SNX2: variants seen among roughly 807,000 people sequenced by gnomAD.
SNX2 encodes the protein sorting nexin-2.
A neutral mutation model predicts 69.9 loss-of-function variants in SNX2; 25 were observed. That is an observed-to-expected ratio of 0.36 (90% CI 0.26 to 0.50). The LOEUF (loss-of-function observed/expected upper bound fraction) is 0.50. Among genes scored for constraint, SNX2 ranks in the 20% least tolerant of loss-of-function variants. The pLI, the probability that SNX2 is intolerant of heterozygous loss-of-function variation, is 0.97. For missense variants in SNX2, 551 were observed against 613.3 expected, an observed-to-expected ratio of 0.90 and a Z score of 1.07; for synonymous variants, 229 against 200.4, an observed-to-expected ratio of 1.14 and a Z score of -1.20.
At chr5:122,816,585 C>G (rs576366640) in intron 8 of SNX2, among the ~76,000 whole-genome samples, 2 of 152,184 alleles carry the variant, frequency 1.3e-5, no homozygotes, top group East Asian at 3.9e-4. Context: ...CGGTTTATTT[C>G]TGTTAGCAAA....
intron 13 of SNX2, 27 bp from the exon 14 acceptor site, chr5:122,827,548 C>T (rs754526369): frequency 8.7e-6 from 14 of 1,606,732 alleles, no homozygotes; most frequent in Non-Finnish European, 1.0e-5. Flanking sequence ...TTTCTACTAA[C>T]GGACTTTTTA....
chr5:122,805,661 A>G lies in SNX2; in HGVS notation c.643+2048A>G, dbSNP rs115393382. Among the ~76,000 whole-genome samples, 295 of 152,184 alleles carry G rather than the reference A, an allele frequency of 1.9e-3. 2 individuals are homozygous for G. The highest frequency in any genetic ancestry group is 6.7e-3 in the African/African-American group (279 of 41,530). ...TGTTGAAATCTGTAGGGATGGTTCT[A>G]TAGGGACGGTTCAATCCAAAGTGTT... On this transcript the variant is annotated intron_variant, in intron 6 of 14. Transcript: ENST00000379516.
intron 10 of SNX2, among the ~76,000 whole-genome samples, chr5:122,817,682 T>C (rs1753930101): frequency 6.6e-6 from 1 of 152,134 alleles, no homozygotes; most frequent in Admixed American, 6.5e-5. Context: ...CTTGATTAAC[T>C]TTTTGTTAAG....
Position 122,829,637 on chromosome 5 carries a change from G to A in SNX2, c.1549G>A (p.Ala517Thr), listed in dbSNP as rs1477099564. Residue 517 changes from alanine to threonine, a missense_variant, in exon 15 of 15, where the codon GCC (alanine) becomes ACC (threonine). Ala to Thr is a moderately conservative substitution (Grantham distance 58). Coordinates refer to ENST00000379516, the MANE Select transcript of SNX2 (RefSeq NM_003100.4). ...YWEAFLPEAK[A>T]IA Reference sequence around the variant, plus strand: ...GGAAGCATTCCTACCTGAAGCCAAAGCCATTGCCTAGCAATAAGATTGTTG... The same window carrying A: ...GGAAGCATTCCTACCTGAAGCCAAAACCATTGCCTAGCAATAAGATTGTTG... The A allele has an allele frequency of 1.9e-6, 3 of 1,613,392 alleles. No homozygotes were observed. Among genetic ancestry groups the A allele is most frequent in the Admixed American group, 1.7e-5 (1 of 60,000 alleles).
At chr5:122,792,248 G>A (rs1397400782) in intron 1 of SNX2, among the ~76,000 whole-genome samples, 1 of 152,202 alleles carries the variant, frequency 6.6e-6, no homozygotes, top group Non-Finnish European at 1.5e-5. Context: ...AAAAGCTGAT[G>A]AGAAAATCTT....
Position 122,826,168 on chromosome 5 carries a change from A to C in SNX2, c.1331A>C (p.Gln444Pro). Reference sequence around the variant, plus strand: ...GTTGCTAACAAACCAGATAAAATACAGCAAGCTAAAAATGAAATAAGAGAG... The same window carrying C: ...GTTGCTAACAAACCAGATAAAATACCGCAAGCTAAAAATGAAATAAGAGAG... ...MMVANKPDKI[Q>P]QAKNEIREWE... Residue 444 changes from glutamine (Q) to proline (P), a missense_variant, in exon 12 of 15, where the codon CAG (glutamine) becomes CCG (proline). Gln to Pro is a moderately conservative substitution (Grantham distance 76). Coordinates refer to ENST00000379516, the MANE Select transcript of SNX2 (RefSeq NM_003100.4). 6.2e-7 allele frequency: 1 copy of C among 1,612,666 alleles called. No homozygotes were observed. The highest frequency in any genetic ancestry group is 1.1e-5 in the South Asian group (1 of 90,988).
chr5:122,824,350 C>T (rs1002689561), intron 11 of SNX2, among the ~76,000 whole-genome samples: 8 of 151,702 alleles, frequency 5.3e-5, no homozygotes, highest in African/African-American at 1.9e-4. Context: ...AAGCATTGAA[C>T]ACTGCTGTTT....
intron 6 of SNX2, among the ~76,000 whole-genome samples, chr5:122,804,783 G>A (rs1205243891): frequency 6.6e-6 from 1 of 152,070 alleles, no homozygotes; most frequent in Non-Finnish European, 1.5e-5. Flanking sequence ...AAATTTTGTA[G>A]TATTTTATTC....
chr5:122,801,756 T>C, intron 3 of SNX2, 113 bp from the exon 4 acceptor site: 2 of 685,918 alleles, frequency 2.9e-6, no homozygotes, highest in South Asian at 3.9e-5. Flanking sequence ...GCTGGGTGGC[T>C]AAATTATTTG....
chr5:122,819,730 G>T (rs1753972811), intron 11 of SNX2, among the ~76,000 whole-genome samples: 1 of 152,100 alleles, frequency 6.6e-6, no homozygotes, highest in Non-Finnish European at 1.5e-5. Context: ...GTTATCATGG[G>T]GTTTGAGGGG....
In SNX2 at chr5:122,802,378, G is replaced by T. The variant is rs138912068; in HGVS notation, c.501+254G>T. The stretch of plus-strand genomic sequence containing the variant: ...AGGTGAGGGAAATGATGGGGAGGAG[G>T]GGGGGAAGAAGAAGAATGCTTGTGC... On this transcript the variant is annotated intron_variant, in intron 5 of 14. Coordinates refer to ENST00000379516, the MANE Select transcript of SNX2 (RefSeq NM_003100.4). Among the ~76,000 whole-genome samples, 630 of 152,200 alleles carry T rather than the reference G, an allele frequency of 4.1e-3. 5 individuals carry two copies. Among genetic ancestry groups the T allele is most frequent in the African/African-American group, 0.015 (604 of 41,538 alleles).
At chr5:122,823,620 G>C (rs1754077318) in intron 11 of SNX2, among the ~76,000 whole-genome samples, 1 of 152,132 alleles carries the variant, frequency 6.6e-6, no homozygotes. Context: ...TTACTGAACA[G>C]AGGAATTTAT....
chr5:122,784,254 A>C (rs1206718671), intron 1 of SNX2, among the ~76,000 whole-genome samples: 3 of 149,686 alleles, frequency 2.0e-5, no homozygotes, highest in South Asian at 4.2e-4. Context: ...TAGGACCACC[A>C]GTATAATATT....
intron 7 of SNX2, among the ~76,000 whole-genome samples, chr5:122,813,269 C>T (rs1581641181): frequency 6.6e-6 from 1 of 151,896 alleles, no homozygotes; most frequent in Non-Finnish European, 1.5e-5. Flanking sequence ...TTAATTTCAA[C>T]ATTATGTAAA....
At chr5:122,787,887 T>C (rs1753129117) in intron 1 of SNX2, among the ~76,000 whole-genome samples, 1 of 152,236 alleles carries the variant, frequency 6.6e-6, no homozygotes, top group African/African-American at 2.4e-5. Flanking sequence ...ATTATAGCTG[T>C]ATACTGTATT....
chr5:122,795,016 C>T (rs1753345556), intron 1 of SNX2, among the ~76,000 whole-genome samples: 2 of 151,982 alleles, frequency 1.3e-5, no homozygotes, highest in Non-Finnish European at 2.9e-5. Context: ...GAGTGAGACC[C>T]TGTCTCAAAA....
intron 6 of SNX2, among the ~76,000 whole-genome samples, chr5:122,804,813 GTTT>G (rs2150009489): frequency 6.6e-6 from 1 of 152,192 alleles, no homozygotes; most frequent in East Asian, 1.9e-4. Context: ...TCAGTCATAG[GTTT>G]TTATTTACCT....
intron 3 of SNX2, among the ~76,000 whole-genome samples, chr5:122,801,343 G>A (rs1447526596): frequency 6.6e-6 from 1 of 152,098 alleles, no homozygotes; most frequent in Non-Finnish European, 1.5e-5. Context: ...AGTGGTTCAC[G>A]CCTGTAATCC....
intron 7 of SNX2, among the ~76,000 whole-genome samples, chr5:122,813,756 T>C (rs1469524268): frequency 6.6e-6 from 1 of 151,046 alleles, no homozygotes; most frequent in Non-Finnish European, 1.5e-5. Context: ...TTTGAAATAT[T>C]AGAATATTTC....
Sources: gnomAD v4.1 joint callset for allele counts (sites outside exome capture counted in the v4.1 genomes callset) on GRCh38, gnomAD v4.1.1 for gene constraint, MANE v1.5 for transcripts, NCBI Gene and HGNC (gene_info 2026-07-23, HGNC 2026-07-21) for gene names.